Variants in PTPRG observed in about 807,000 individuals in gnomAD.
The protein encoded by PTPRG is receptor-type tyrosine-protein phosphatase gamma.
Under a neutral mutation model 165.3 loss-of-function variants are expected in PTPRG, and 102 were observed. The ratio of observed to expected loss-of-function variants is 0.62; its 90% CI spans 0.53 to 0.73. PTPRG has a LOEUF of 0.73. Among genes scored for constraint, PTPRG ranks in the 30% least tolerant of loss-of-function variants. PTPRG has a pLI of 0.00. For synonymous variants in PTPRG, 675 were observed against 669.5 expected (o/e 1.01, Z -0.13); for missense variants, 1,866 against 1,861.4 (o/e 1.00, Z -0.05).
chr3:61,744,706 A>G (rs2033129547), intron 1 of PTPRG, among the ~76,000 whole-genome samples: 2 of 152,208 alleles, frequency 1.3e-5, no homozygotes, highest in African/African-American at 2.4e-5. Context: ...GGAAAACTAA[A>G]TATAGTCACC....
intron 8 of PTPRG, among the ~76,000 whole-genome samples, chr3:62,172,368 A>G (rs1246072833): frequency 6.6e-6 from 1 of 152,210 alleles, no homozygotes; most frequent in African/African-American, 2.4e-5. Context: ...TCCCATCAAC[A>G]GTGTATGAGG....
chr3:62,275,981 C>T lies in PTPRG; in HGVS notation c.3559+15C>T. 2.5e-6 allele frequency: 4 copies of T among 1,571,008 alleles called. No individual in the cohort carries two copies. Among genetic ancestry groups the T allele is most frequent in the Non-Finnish European group, 3.5e-6 (4 of 1,143,918 alleles). ...AGTTGTGCCATGTAAGACTTTAAAA[C>T]AGTTTGTTAGTGATCTTTTATACTG... On this transcript the variant is annotated intron_variant, in intron 24 of 29. Coordinates refer to ENST00000474889, the MANE Select transcript of PTPRG (RefSeq NM_002841.4).
At chr3:61,612,254 G>A (rs1388573373) in intron 1 of PTPRG, among the ~76,000 whole-genome samples, 2 of 152,166 alleles carry the variant, frequency 1.3e-5, no homozygotes, top group Non-Finnish European at 2.9e-5. Context: ...CCACTGTAAG[G>A]CTTTTGATAA....
intron 1 of PTPRG, among the ~76,000 whole-genome samples, chr3:61,657,352 A>G (rs1213205937): frequency 1.3e-5 from 2 of 152,110 alleles, no homozygotes; most frequent in Non-Finnish European, 2.9e-5. Flanking sequence ...GGGAGAAGGG[A>G]TGAGAGAGGA....
At chr3:61,956,675 A>G (rs970533670) in intron 2 of PTPRG, among the ~76,000 whole-genome samples, 3 of 152,228 alleles carry the variant, frequency 2.0e-5, no homozygotes, top group African/African-American at 7.2e-5. Flanking sequence ...TATTACTGAT[A>G]TATTAAAATG....
intron 4 of PTPRG, among the ~76,000 whole-genome samples, chr3:62,066,533 A>G (rs1226718187): frequency 1.3e-5 from 2 of 152,146 alleles, no homozygotes; most frequent in Non-Finnish European, 2.9e-5. Flanking sequence ...TGTGGTAGTG[A>G]TTTTTGTGTT....
At chr3:61,667,082 C>T (rs1383822174) in intron 1 of PTPRG, among the ~76,000 whole-genome samples, 1 of 152,204 alleles carries the variant, frequency 6.6e-6, no homozygotes, top group Non-Finnish European at 1.5e-5. Context: ...TGTTGCCTTA[C>T]AGCAGCAGTA....
intron 2 of PTPRG, among the ~76,000 whole-genome samples, chr3:61,890,412 G>GTTT (rs1388100597): frequency 1.8e-4 from 17 of 95,428 alleles, no homozygotes; most frequent in African/African-American, 5.9e-4. Context: ...CTTGTTCTTT[G>GTTT]TTTTTTTTTT....
chr3:61,783,619 G>A (rs755795843), intron 2 of PTPRG, among the ~76,000 whole-genome samples: 2 of 152,136 alleles, frequency 1.3e-5, no homozygotes, highest in Non-Finnish European at 2.9e-5. Context: ...TGTGTGCTGC[G>A]GGTTGAGATT....
chr3:61,680,618 C>CA (rs749075962), intron 1 of PTPRG, among the ~76,000 whole-genome samples: 1,911 of 126,664 alleles, frequency 0.015, 15 homozygotes, highest in Non-Finnish European at 0.019. Context: ...AAAAATCATA[C>CA]AAAAAAAATA....
rs1471019615 is a variant in PTPRG, at chr3:62,245,091, C to T, written c.2467+1193C>T. 6.6e-6 allele frequency among the ~76,000 whole-genome samples: 1 copy of T among 152,176 alleles called. No individual in the cohort carries two copies. The highest frequency in any genetic ancestry group is 1.5e-5 in the Non-Finnish European group (1 of 68,034). On this transcript the variant is annotated intron_variant, in intron 15 of 29. Coordinates refer to ENST00000474889, the MANE Select transcript of PTPRG (RefSeq NM_002841.4). This position sits in a 1 kb window ranked among gnomAD's most constrained non-coding sequence, Gnocchi z 4.2. ...GCTTTTCTCACTAAAACTTGCCACA[C>T]AGAAACAAGAAGATTAACAGAAAGT... is the stretch of plus-strand genomic sequence containing the variant.
chr3:61,841,210 G>A (rs2036622886), intron 2 of PTPRG, among the ~76,000 whole-genome samples: 1 of 152,188 alleles, frequency 6.6e-6, no homozygotes, highest in African/African-American at 2.4e-5. Context: ...TTAAAGAGAT[G>A]TTTTATATAT....
chr3:61,797,145 G>A (rs2035074506), intron 2 of PTPRG, among the ~76,000 whole-genome samples: 1 of 152,170 alleles, frequency 6.6e-6, no homozygotes, highest in South Asian at 2.1e-4. Flanking sequence ...CTTTGAGCCA[G>A]GTTTCCATCA....
chr3:62,167,959 T>G lies in PTPRG; in HGVS notation c.841-12T>G. 1 of 1,605,420 alleles carries G rather than the reference T, an allele frequency of 6.2e-7. No individual in the cohort carries two copies. ...TTTTTTTTCCCCCTCCCCTCTCTGG[T>G]CCTCTGTTCAGCTTGAGGCTTTTTA... is the stretch of plus-strand genomic sequence containing the variant. On this transcript the variant is annotated splice_polypyrimidine_tract_variant and intron_variant, in intron 7 of 29. Coordinates refer to ENST00000474889, the MANE Select transcript of PTPRG (RefSeq NM_002841.4).
At chr3:61,830,631 A>G (rs1035986743) in intron 2 of PTPRG, among the ~76,000 whole-genome samples, 5 of 141,512 alleles carry the variant, frequency 3.5e-5, no homozygotes, top group African/African-American at 8.0e-5. Flanking sequence ...CTGGAGTGCA[A>G]TGCCGTGATC....
intron 1 of PTPRG, among the ~76,000 whole-genome samples, chr3:61,677,183 T>C (rs1451470259): frequency 6.8e-6 from 1 of 147,506 alleles, no homozygotes; most frequent in East Asian, 2.0e-4. Context: ...AGGCAGAGGT[T>C]GCAGTGAGCC....
At chr3:62,064,509 T>C (rs1047785260) in intron 4 of PTPRG, among the ~76,000 whole-genome samples, 3 of 152,026 alleles carry the variant, frequency 2.0e-5, no homozygotes. Context: ...TTCCCCTCCG[T>C]AGGTTCTACC....
intron 14 of PTPRG, among the ~76,000 whole-genome samples, chr3:62,241,819 G>A (rs1233235659): frequency 6.6e-6 from 1 of 151,720 alleles, no homozygotes; most frequent in Non-Finnish European, 1.5e-5. Context: ...CAAGTTAAAG[G>A]CTAACCCAGT....
chr3:61,849,058 C>G (rs2036885047), intron 2 of PTPRG, among the ~76,000 whole-genome samples: 1 of 152,110 alleles, frequency 6.6e-6, no homozygotes, highest in Admixed American at 6.5e-5. Context: ...CTTTGGAGTA[C>G]ACTGGGCCTT....
Sources: gnomAD v4.1 joint callset for allele counts (sites outside exome capture counted in the v4.1 genomes callset) on GRCh38, gnomAD v4.1.1 for gene constraint, Gnocchi (gnomAD v3.1) non-coding constraint, MANE v1.5 for transcripts, NCBI Gene and HGNC (gene_info 2026-07-23, HGNC 2026-07-21) for gene names.